The following OSBP2 variants were observed in gnomAD, a reference collection of about 807,000 sequenced individuals.
OSBP2 encodes oxysterol-binding protein 2.
In OSBP2, 66 loss-of-function variants were observed where a neutral mutation model predicts 96.0. The observed-to-expected ratio is 0.69, with a 90% CI of 0.56 to 0.84. The LOEUF (loss-of-function observed/expected upper bound fraction) is 0.84, where lower values mean the gene tolerates loss of function less well. Among genes scored for constraint, OSBP2 ranks in the 40% least tolerant of loss-of-function variants. The pLI is 0.00. For synonymous variants in OSBP2, 525 were observed against 520.9 expected (o/e 1.01, Z -0.11); for missense variants, 1,038 against 1,222.7 (o/e 0.85, Z 2.25).
intron 2 of OSBP2, chr22:30,764,499 C>T (rs191433970): frequency 1.4e-4 from 91 of 642,636 alleles, no homozygotes; most frequent in Non-Finnish European, 1.6e-4. Context: ...AAACAGCTCT[C>T]GGGAACCCTG....
At chr22:30,732,061 T>C (rs2089788642) in intron 1 of OSBP2, among the ~76,000 whole-genome samples, 1 of 152,206 alleles carries the variant, frequency 6.6e-6, no homozygotes, top group South Asian at 2.1e-4. Flanking sequence ...CCCAGCACTT[T>C]GGGAGGCCAA....
intron 2 of OSBP2, among the ~76,000 whole-genome samples, chr22:30,810,060 G>A (rs136252): frequency 0.18 from 27,192 of 152,066 alleles, 2,443 homozygotes; most frequent in East Asian, 0.21. Context: ...ATAGCTTGGA[G>A]GGGCAAGGCT....
chr22:30,704,609 T>C (rs1477630024), intron 1 of OSBP2, among the ~76,000 whole-genome samples: 1 of 151,614 alleles, frequency 6.6e-6, no homozygotes, highest in East Asian at 1.9e-4. Flanking sequence ...CTCTGCCTCC[T>C]GGGTTCAAGA....
intron 3 of OSBP2, among the ~76,000 whole-genome samples, chr22:30,878,398 G>A (rs1380048412): frequency 6.6e-6 from 1 of 152,238 alleles, no homozygotes; most frequent in Non-Finnish European, 1.5e-5. Flanking sequence ...CTGAGCTGAA[G>A]GCAGGGACAG....
At chr22:30,752,271 A>G (rs1446880097) in intron 2 of OSBP2, among the ~76,000 whole-genome samples, 7 of 45,172 alleles carry the variant, frequency 1.5e-4, no homozygotes, top group Admixed American at 6.4e-4. Context: ...CAGGCCACAT[A>G]TTTTTTCTTT....
chr22:30,731,431 G>GT (rs1310122695), intron 1 of OSBP2: 1 of 152,414 alleles, frequency 6.6e-6, no homozygotes, highest in Non-Finnish European at 1.5e-5. Context: ...GGAGGGAAGA[G>GT]TGGGGGGAGA....
At chr22:30,851,615 C>A (rs2038979823) in intron 2 of OSBP2, among the ~76,000 whole-genome samples, 1 of 151,996 alleles carries the variant, frequency 6.6e-6, no homozygotes, top group Non-Finnish European at 1.5e-5. Context: ...ACTGGAACTT[C>A]TAATGTAATG....
intron 2 of OSBP2, among the ~76,000 whole-genome samples, chr22:30,819,700 G>A (rs969622303): frequency 2.4e-4 from 37 of 152,122 alleles, no homozygotes; most frequent in African/African-American, 8.7e-4. Context: ...GCTTTAGTGG[G>A]ACCACATGAT....
At chr22:30,865,751 C>T (rs2039324071) in intron 2 of OSBP2, among the ~76,000 whole-genome samples, 1 of 152,106 alleles carries the variant, frequency 6.6e-6, no homozygotes, top group South Asian at 2.1e-4. Context: ...TCTGCACTGG[C>T]CACACACCGG....
At chr22:30,893,058 C>T in intron 8 of OSBP2, 64 bp from the exon 9 acceptor site, 3 of 1,593,408 alleles carry the variant, frequency 1.9e-6, no homozygotes, top group Non-Finnish European at 2.6e-6. Flanking sequence ...CCCTCCCTGG[C>T]TGGGGCAAGT....
At chr22:30,751,268 C>G (rs142756526) in intron 2 of OSBP2, among the ~76,000 whole-genome samples, 1 of 152,030 alleles carries the variant, frequency 6.6e-6, no homozygotes, top group Admixed American at 6.6e-5. Context: ...GTGCCAGGGG[C>G]CATGGTCACT....
intron 2 of OSBP2, among the ~76,000 whole-genome samples, chr22:30,840,128 G>A (rs1389704356): frequency 3.4e-5 from 5 of 146,062 alleles, no homozygotes; most frequent in Non-Finnish European, 7.5e-5. Context: ...GTTAGTGGGT[G>A]CAGTGCACCA....
chr22:30,764,484 T>C, intron 2 of OSBP2: 2 of 810,390 alleles, frequency 2.5e-6, no homozygotes, highest in Non-Finnish European at 3.0e-6. Flanking sequence ...TTGTTCTGGC[T>C]CTGTAAACAG....
chr22:30,778,662 A>G (rs1171832571), intron 2 of OSBP2, among the ~76,000 whole-genome samples: 1 of 152,062 alleles, frequency 6.6e-6, no homozygotes, highest in Non-Finnish European at 1.5e-5. Context: ...AGTTGTTTTA[A>G]AAAATAGAAG....
At chr22:30,731,355 G>A (rs1402963751) in intron 1 of OSBP2, among the ~76,000 whole-genome samples, 1 of 151,996 alleles carries the variant, frequency 6.6e-6, no homozygotes. Flanking sequence ...CAGCAAGCAT[G>A]CTTGCCTGGC....
At position 30,871,980 on chromosome 22, in the gene OSBP2, G is replaced by GC. The variant is rs2039468582; in HGVS notation, c.1107+1304dup. Among the ~76,000 whole-genome samples the GC allele has an allele frequency of 6.6e-6, 1 of 152,242 alleles. No homozygotes were observed. Among genetic ancestry groups the GC allele is most frequent in the Non-Finnish European group, 1.5e-5 (1 of 68,034 alleles). The stretch of plus-strand genomic sequence containing the variant: ...TGGGGCCTGAGGCTGGGCGAGGTGT[G>GC]CCCCCCTTCCCGACTGCTGGGAAAC... On this transcript the variant is annotated intron_variant, in intron 3 of 13. Transcript: ENST00000332585. The surrounding 1 kb of genome is among the most constrained non-coding windows in gnomAD (Gnocchi z 4.7).
chr22:30,797,618 T>A (rs961317840), intron 2 of OSBP2, among the ~76,000 whole-genome samples: 4 of 150,946 alleles, frequency 2.6e-5, no homozygotes, highest in Non-Finnish European at 1.5e-5. Flanking sequence ...TTTTTTTTTT[T>A]AGACAGGCTC....
At chr22:30,775,642 T>G (rs538816895) in intron 2 of OSBP2, among the ~76,000 whole-genome samples, 1 of 152,094 alleles carries the variant, frequency 6.6e-6, no homozygotes, top group South Asian at 2.1e-4. Context: ...ACAAAATAAC[T>G]CATAAATTCA....
chr22:30,782,012 G>T (rs904294207), intron 2 of OSBP2, among the ~76,000 whole-genome samples: 23 of 152,302 alleles, frequency 1.5e-4, no homozygotes, highest in African/African-American at 5.5e-4. Context: ...CAGGCGTGGT[G>T]GTGGGCACCT....
Sources: allele counts gnomAD v4.1 joint callset (sites outside exome capture counted in the v4.1 genomes callset), GRCh38; gene constraint gnomAD v4.1.1; non-coding constraint Gnocchi (gnomAD v3.1); transcripts MANE v1.5; gene names NCBI Gene and HGNC (gene_info 2026-07-23, HGNC 2026-07-21).